The following COL5A3 variants were observed in gnomAD, a reference collection of about 807,000 sequenced individuals.
COL5A3 encodes collagen type V alpha 3 chain.
A neutral mutation model predicts 250.0 loss-of-function variants in COL5A3; 172 were observed. That is an observed-to-expected ratio of 0.69 (90% CI 0.61 to 0.78). The LOEUF (loss-of-function observed/expected upper bound fraction) is 0.78. Ranked by LOEUF, COL5A3 falls within the 30% of genes least tolerant of loss-of-function variation. The pLI, the probability that COL5A3 is intolerant of heterozygous loss-of-function variation, is 0.00. For synonymous variants in COL5A3, 937 were observed against 900.4 expected, an observed-to-expected ratio of 1.04 and a Z score of -0.73; for missense variants, 2,340 against 2,334.4, an observed-to-expected ratio of 1.00 and a Z score of -0.05.
In COL5A3 at chr19:9,968,957, G is replaced by C; in HGVS notation, c.4153-229C>G. 1 of 618,782 alleles carries C rather than the reference G, an allele frequency of 1.6e-6. No homozygotes were observed. Among genetic ancestry groups the C allele is most frequent in the Non-Finnish European group, 2.8e-6 (1 of 351,036 alleles). 38.3% of individuals were successfully genotyped at this position (618,782 alleles called of 1,614,324 possible). A position where few individuals can be genotyped will look rare whatever the true frequency, so the allele number is the denominator to read the frequency against. On this transcript the variant is annotated intron_variant, in intron 57 of 66. Transcript: ENST00000264828. This position sits in a 1 kb window ranked among gnomAD's most constrained non-coding sequence, Gnocchi z 4.1. ...TGGTCAGTGGCCAAGGTCAGCGTGG[G>C]TGATCAGTGTAGACCATTAAGATGG...
intron 40 of COL5A3, 67 bp from the exon 41 acceptor site, chr19:9,978,694 TG>T: frequency 8.4e-7 from 1 of 1,189,204 alleles, no homozygotes; most frequent in South Asian, 1.6e-5. Flanking sequence ...TCTTCCTCTG[TG>T]GGGAGCTCAC....
At chr19:10,010,239 T>G in intron 1 of COL5A3, 59 bp downstream of exon 1, 10 of 803,472 alleles carry the variant, frequency 1.2e-5, no homozygotes, top group Non-Finnish European at 1.7e-5. Context: ...CACCCCTCGC[T>G]CTTTTAGAGC....
chr19:9,972,947 G>T lies in COL5A3; in HGVS notation c.3746C>A (p.Pro1249His). Residue 1249 changes from proline (P) to histidine (H), a missense_variant, in exon 51 of 67, where the codon CCT becomes CAT. Physicochemically the swap from Pro to His is moderately conservative, Grantham distance 77. This residue lies in a region of COL5A3 where 1,179 missense variants were observed against 1,162.6 expected (regional missense o/e 1.01). Coordinates refer to ENST00000264828, the MANE Select transcript of COL5A3 (RefSeq NM_015719.4). ...AAGPPGKKGP[P>H]GEDGAKGSVG... ...GCTCCCTTTGGCTCCATCCTCTCCAGGGGGACCTTTCTTGCCTGGGGGTCC... is the reference window on the plus strand; with the variant it reads ...GCTCCCTTTGGCTCCATCCTCTCCATGGGGACCTTTCTTGCCTGGGGGTCC... The T allele has an allele frequency of 1.2e-6, 2 of 1,611,028 alleles. No individual in the cohort carries two copies. Among genetic ancestry groups the T allele is most frequent in the Non-Finnish European group, 1.7e-6 (2 of 1,178,792 alleles).
At position 9,967,905 on chromosome 19, in the gene COL5A3, G is replaced by A. The variant is rs571945809; in HGVS notation, c.4403C>T (p.Pro1468Leu). 120 of 1,613,100 alleles carry A rather than the reference G, an allele frequency of 7.4e-5. No individual in the cohort carries two copies. Among genetic ancestry groups the A allele is most frequent in the African/African-American group, 2.1e-4 (16 of 74,986 alleles). ...PLGQKGSKGSPGSMGPRGDTG... is the reference protein window; with the variant it reads ...PLGQKGSKGSLGSMGPRGDTG... Reference sequence around the variant, plus strand: ...CCCACGGAAGCAGGGTGTACTCACCGGAGACCCTTTTGAGCCTTTCTGTCC... The same window carrying A: ...CCCACGGAAGCAGGGTGTACTCACCAGAGACCCTTTTGAGCCTTTCTGTCC... Residue 1468 changes from proline to leucine, a missense_variant and splice_region_variant, in exon 61 of 67, where the codon CCG (proline) becomes CTG (leucine). By Grantham distance (98) the Pro-to-Leu change is moderately conservative. Coordinates refer to ENST00000264828, the MANE Select transcript of COL5A3 (RefSeq NM_015719.4).
intron 44 of COL5A3, among the ~76,000 whole-genome samples, chr19:9,976,831 A>T (rs549994767): frequency 6.6e-6 from 1 of 152,258 alleles, no homozygotes; most frequent in South Asian, 2.1e-4. Context: ...AGTTCCACCA[A>T]GACCCAGGGA....
At position 9,993,526 on chromosome 19, in the gene COL5A3, A is replaced by T. The variant is rs555934593; in HGVS notation, c.1695+93T>A. 2.9e-4 allele frequency: 456 copies of T among 1,575,844 alleles called. 1 individual carries two copies. The highest frequency in any genetic ancestry group is 6.2e-5 in the Non-Finnish European group (71 of 1,145,714). On this transcript the variant is annotated intron_variant, in intron 18 of 66. Transcript: ENST00000264828. ...GCAGATGGGGTGTGAGGAGGGACACAGGGATCATGACTCTGATACTGAGGG... is the reference window on the plus strand; with the variant it reads ...GCAGATGGGGTGTGAGGAGGGACACTGGGATCATGACTCTGATACTGAGGG...
intron 20 of COL5A3, 62 bp from the exon 21 acceptor site, chr19:9,992,942 G>T: frequency 1.2e-6 from 2 of 1,605,158 alleles, no homozygotes; most frequent in South Asian, 1.1e-5. Context: ...AGCTCTAGGG[G>T]TCCTATGAGT....
chr19:10,003,675 T>G lies in COL5A3; in HGVS notation c.739A>C (p.Lys247Gln), dbSNP rs1339656858. Residue 247 changes from lysine to glutamine, a missense_variant, in exon 6 of 67, where the codon AAG becomes CAG. By Grantham distance (53) the Lys-to-Gln change is moderately conservative. This residue lies in a region of COL5A3 where 1,152 missense variants were observed against 1,146.3 expected (regional missense o/e 1.00). Coordinates refer to ENST00000264828, the MANE Select transcript of COL5A3 (RefSeq NM_015719.4). ...TTCTTCCTCCCTTTTCCCTTCCCCT[T>G]CCGCCGAGGACGAGGGGTTTCTGGT... ...GEPETPRPRR[K>Q]GKGKGRKKGR... 6.2e-7 allele frequency: 1 copy of G among 1,613,876 alleles called. No homozygotes were observed. Among genetic ancestry groups the G allele is most frequent in the Non-Finnish European group, 8.5e-7 (1 of 1,180,022 alleles).
chr19:9,967,384 C>A lies in COL5A3; in HGVS notation c.4421G>T (p.Arg1474Leu). The A allele has an allele frequency of 6.8e-7, 1 of 1,479,578 alleles. No individual in the cohort carries two copies. The highest frequency in any genetic ancestry group is 1.5e-5 in the South Asian group (1 of 68,632). 91.7% of individuals were successfully genotyped at this position (1,479,578 alleles called of 1,614,324 possible). Residue 1474 changes from arginine to leucine, a missense_variant, in exon 62 of 67, where the codon CGT becomes CTT. This residue lies in a region of COL5A3 where 1,179 missense variants were observed against 1,162.6 expected (regional missense o/e 1.01). Transcript: ENST00000264828. ...SKGSPGSMGP[R>L]GDTGPAGPPG... ...TGGGCCTGCAGGTCCAGTGTCTCCA[C>A]GGGGGCCCATGGACCCCTGTAGGGA...
At chr19:9,999,935 T>C (rs933211004) in intron 8 of COL5A3, among the ~76,000 whole-genome samples, 11 of 152,150 alleles carry the variant, frequency 7.2e-5, no homozygotes, top group African/African-American at 2.7e-4. Flanking sequence ...TTTTTGTATA[T>C]TTTGTAAAGA....
Position 9,978,932 on chromosome 19 carries a change from G to T in COL5A3, c.2923C>A (p.Leu975Ile). ...CCTTTGGGGCCGGGAAAGCCCCTGA[G>T]TCCAGCTGGCCCTTCTTTCCCAAGG... ...GPLGKEGPAG[L>I]RGFPGPKGGP... Residue 975 changes from leucine (L) to isoleucine (I), a missense_variant, in exon 40 of 67, where the codon CTC becomes ATC. Transcript: ENST00000264828. The T allele has an allele frequency of 6.6e-7, 1 of 1,522,378 alleles. No homozygotes were observed. Among genetic ancestry groups the T allele is most frequent in the Admixed American group, 2.3e-5 (1 of 42,974 alleles). 94.3% of individuals were successfully genotyped at this position (1,522,378 alleles called of 1,614,324 possible).
At chr19:10,003,090 G>A (rs2087387951) in intron 6 of COL5A3, among the ~76,000 whole-genome samples, 2 of 152,004 alleles carry the variant, frequency 1.3e-5, no homozygotes, top group African/African-American at 4.8e-5. Flanking sequence ...TCCCTATCAG[G>A]GAAGCCAAAT....
At chr19:9,988,692 GT>G (rs942808511) in intron 27 of COL5A3, among the ~76,000 whole-genome samples, 2 of 151,748 alleles carry the variant, frequency 1.3e-5, no homozygotes, top group African/African-American at 4.8e-5. Flanking sequence ...TTACCCAGGA[GT>G]GGTGGTGCAT....
intron 57 of COL5A3, 149 bp downstream of exon 57, chr19:9,969,200 T>A (rs1460112171): frequency 1.5e-6 from 1 of 670,414 alleles, no homozygotes; most frequent in African/African-American, 1.8e-5. Context: ...GGGTGGAAGG[T>A]CAGAGCAGAT....
intron 52 of COL5A3, 38 bp from the exon 53 acceptor site, chr19:9,971,066 G>C (rs932893621): frequency 3.4e-6 from 5 of 1,487,042 alleles, no homozygotes; most frequent in Non-Finnish European, 4.5e-6. Context: ...GGGGTGATGA[G>C]GGTACGTGAG....
At chr19:9,992,340 C>T (rs556298489) in intron 21 of COL5A3, among the ~76,000 whole-genome samples, 1 of 151,694 alleles carries the variant, frequency 6.6e-6, no homozygotes, top group Non-Finnish European at 1.5e-5. Flanking sequence ...ACGTGGAAGG[C>T]GGAGTTTGCA....
intron 1 of COL5A3, 102 bp from the exon 2 acceptor site, chr19:10,006,333 G>A: frequency 8.6e-7 from 1 of 1,159,476 alleles, no homozygotes. Context: ...AGGGGGCTCA[G>A]CCTCTCCCTC....
In COL5A3 at chr19:9,983,616, GAGAA is replaced by G. The variant is rs1232815046; in HGVS notation, c.2407-1502_2407-1499del. ...AGAAAGAAAGAGAAAGAGAGAGAGA[GAGAA>G]AGAAAGAAAGAAGAGAGAGAGAGAA... On this transcript the variant is annotated intron_variant, in intron 31 of 66. Coordinates refer to ENST00000264828, the MANE Select transcript of COL5A3 (RefSeq NM_015719.4). Among the ~76,000 whole-genome samples the G allele has an allele frequency of 3.2e-3, 373 of 116,718 alleles. 15 individuals are homozygous for G. Among genetic ancestry groups the G allele is most frequent in the African/African-American group, 0.011 (337 of 31,928 alleles). 76.6% of individuals were successfully genotyped at this position (116,718 alleles called of 152,430 possible). A position where few individuals can be genotyped will look rare whatever the true frequency, so the allele number is the denominator to read the frequency against.
intron 11 of COL5A3, 122 bp from the exon 12 acceptor site, chr19:9,996,811 C>G: frequency 1.4e-6 from 1 of 701,770 alleles, no homozygotes; most frequent in Non-Finnish European, 2.3e-6. Context: ...GAGAGAGACA[C>G]AGAATCAAAG....
Sources: allele counts gnomAD v4.1 joint callset (sites outside exome capture counted in the v4.1 genomes callset), GRCh38; gene constraint gnomAD v4.1.1; regional missense constraint gnomAD v4.1.1; non-coding constraint Gnocchi (gnomAD v3.1); transcripts MANE v1.5; gene names NCBI Gene and HGNC (gene_info 2026-07-23, HGNC 2026-07-21).